PRTG: variants seen among roughly 807,000 people sequenced by gnomAD.
PRTG encodes the protein protogenin.
Under a neutral mutation model 122.5 loss-of-function variants are expected in PRTG, and 67 were observed. The ratio of observed to expected loss-of-function variants is 0.55; its 90% CI spans 0.45 to 0.67. PRTG has a LOEUF of 0.67. Ranked by LOEUF, PRTG falls within the 30% of genes least tolerant of loss-of-function variation. The pLI is 0.00. For missense variants in PRTG, 1,435 were observed against 1,415.4 expected, an observed-to-expected ratio of 1.01 and a Z score of -0.22; for synonymous variants, 554 against 501.1, an observed-to-expected ratio of 1.11 and a Z score of -1.41.
intron 17 of PRTG, among the ~76,000 whole-genome samples, 153 bp downstream of exon 17, chr15:55,626,855 T>C (rs1357470574): frequency 1.3e-5 from 2 of 152,222 alleles, no homozygotes; most frequent in Non-Finnish European, 2.9e-5. Flanking sequence ...AGCACATTTC[T>C]ATAGCTGTAA....
At chr15:55,731,366 CTTTTTTTTT>C (rs10658460) in intron 2 of PRTG, among the ~76,000 whole-genome samples, 1 of 103,778 alleles carries the variant, frequency 9.6e-6, no homozygotes, top group African/African-American at 3.9e-5. Context: ...CCTTATCATT[CTTTTTTTTT>C]TTTTTTTTTT....
At chr15:55,732,114 A>C (rs1270348013) in intron 2 of PRTG, among the ~76,000 whole-genome samples, 1 of 152,254 alleles carries the variant, frequency 6.6e-6, no homozygotes, top group Non-Finnish European at 1.5e-5. Flanking sequence ...TTATCATCTT[A>C]TAGAACAGAA....
chr15:55,659,476 C>G (rs1283653116), intron 11 of PRTG, among the ~76,000 whole-genome samples: 1 of 152,100 alleles, frequency 6.6e-6, no homozygotes, highest in Non-Finnish European at 1.5e-5. Flanking sequence ...CTACCCAGAC[C>G]CCCACCCTCA....
chr15:55,656,737 T>C (rs2059382337), intron 11 of PRTG, among the ~76,000 whole-genome samples: 1 of 152,262 alleles, frequency 6.6e-6, no homozygotes, highest in African/African-American at 2.4e-5. Context: ...CTCGATCTCC[T>C]GACCTCATGA....
intron 2 of PRTG, chr15:55,702,968 A>G (rs1372334301): frequency 2.1e-5 from 20 of 973,396 alleles, no homozygotes; most frequent in Non-Finnish European, 2.3e-5. Context: ...TTCTAAACCT[A>G]TCTTGGGAAT....
chr15:55,679,624 C>T (rs2059525847), intron 6 of PRTG, 179 bp from the exon 7 acceptor site: 1 of 525,616 alleles, frequency 1.9e-6, no homozygotes, highest in Non-Finnish European at 3.3e-6. Context: ...GCTCAGTGTT[C>T]ACTTCCTCCA....
At chr15:55,629,181 TTGTAG>T (rs1198507128) in intron 15 of PRTG, among the ~76,000 whole-genome samples, 177 bp from the exon 16 acceptor site, 2 of 152,094 alleles carry the variant, frequency 1.3e-5, no homozygotes, top group Admixed American at 6.6e-5. Context: ...ATTGTTAACA[TTGTAG>T]TGTATTTTGT....
At position 55,734,938 on chromosome 15, in the gene PRTG, T is replaced by C. The variant is rs73410231; in HGVS notation, c.397+5444A>G. Among the ~76,000 whole-genome samples, 749 of 152,342 alleles carry C rather than the reference T, an allele frequency of 4.9e-3. 10 individuals are homozygous for C. The highest frequency in any genetic ancestry group is 0.017 in the African/African-American group (722 of 41,584). On this transcript the variant is annotated intron_variant, in intron 2 of 19. Coordinates refer to ENST00000389286, the MANE Select transcript of PRTG (RefSeq NM_173814.6). ...CTTTTTTGTACACTGCAATTATCAA[T>C]TGTTTACTGTGAGCTTGCTCTGCTC...
At position 55,677,978 on chromosome 15, in the gene PRTG, G is replaced by T; in HGVS notation, c.1200C>A (p.Ser400Arg). 4.3e-6 allele frequency: 7 copies of T among 1,609,920 alleles called. No homozygotes were observed. Among genetic ancestry groups the T allele is most frequent in the Non-Finnish European group, 5.9e-6 (7 of 1,176,610 alleles). The change falls in exon 8 of 20, where the codon AGC becomes AGA. Residue 400 changes from serine (S) to arginine (R), a missense_variant. Coordinates refer to ENST00000389286, the MANE Select transcript of PRTG (RefSeq NM_173814.6). Reference sequence around the variant, plus strand: ...TGGCTCTAGATAAAATAGATCCTTGGCTATTCTCAGCCATGCACTGATAAA... The same window carrying T: ...TGGCTCTAGATAAAATAGATCCTTGTCTATTCTCAGCCATGCACTGATAAA... Reference protein sequence around the residue: ...DAIYQCMAENSQGSILSRARL... With the variant: ...DAIYQCMAENRQGSILSRARL...
At chr15:55,625,344 TC>T (rs1319631135) in intron 17 of PRTG, among the ~76,000 whole-genome samples, 1 of 152,192 alleles carries the variant, frequency 6.6e-6, no homozygotes, top group African/African-American at 2.4e-5. Context: ...CCACCATATG[TC>T]CCGTGGTGTT....
intron 15 of PRTG, among the ~76,000 whole-genome samples, chr15:55,629,369 A>ATGTGTGTGTG (rs1413549067): frequency 1.7e-4 from 6 of 34,390 alleles, no homozygotes; most frequent in African/African-American, 6.0e-4. Flanking sequence ...GTATATATAT[A>ATGTGTGTGTG]TATATATGTG....
intron 11 of PRTG, among the ~76,000 whole-genome samples, chr15:55,656,905 C>T (rs1452846729): frequency 6.6e-6 from 1 of 152,178 alleles, no homozygotes; most frequent in Admixed American, 6.5e-5. Context: ...TTGTTTGACA[C>T]TGAGGACAAT....
chr15:55,736,427 T>C (rs1376717897), intron 2 of PRTG, among the ~76,000 whole-genome samples: 3 of 152,092 alleles, frequency 2.0e-5, no homozygotes, highest in African/African-American at 7.2e-5. Flanking sequence ...AATATATTTT[T>C]AACTTCACAT....
chr15:55,627,562 G>A (rs886620890), intron 16 of PRTG, among the ~76,000 whole-genome samples: 12 of 146,062 alleles, frequency 8.2e-5, no homozygotes, highest in Non-Finnish European at 1.3e-4. Context: ...GGATGGTCTC[G>A]ATCTCCTGAC....
rs1242770616 is a variant in PRTG at position 55,613,421 on chromosome 15, G to A, written c.*6591C>T. 1 of 152,026 alleles carries A rather than the reference G, an allele frequency of 6.6e-6. No individual in the cohort carries two copies. Among genetic ancestry groups the A allele is most frequent in the East Asian group, 1.9e-4 (1 of 5,196 alleles). The allele number at this position is 152,026 out of a possible 1,614,324, so 9.4% of individuals were successfully genotyped here. On this transcript the variant is annotated 3_prime_UTR_variant, in exon 20 of 20. Transcript: ENST00000389286. ...AAAATGCAATTCTGAAGACATTGTCGAATAAGGAAATGCTTGACTAGAAAA... is the reference window on the plus strand; with the variant it reads ...AAAATGCAATTCTGAAGACATTGTCAAATAAGGAAATGCTTGACTAGAAAA...
intron 2 of PRTG, among the ~76,000 whole-genome samples, chr15:55,739,698 T>G (rs2031549350): frequency 6.6e-6 from 1 of 152,208 alleles, no homozygotes; most frequent in African/African-American, 2.4e-5. Flanking sequence ...ATGGATCACT[T>G]GGACAAATGG....
At chr15:55,681,666 T>C (rs990224893) in intron 4 of PRTG, among the ~76,000 whole-genome samples, 13 of 152,208 alleles carry the variant, frequency 8.5e-5, no homozygotes, top group African/African-American at 2.9e-4. Flanking sequence ...TTCATAAACA[T>C]TGCTTTTTAT....
intron 11 of PRTG, among the ~76,000 whole-genome samples, chr15:55,641,789 G>T (rs1020072979): frequency 1.3e-5 from 2 of 152,138 alleles, no homozygotes; most frequent in Non-Finnish European, 2.9e-5. Flanking sequence ...CAAGAAAGAT[G>T]AGTTGGAGCT....
chr15:55,694,917 C>G (rs906985554), intron 2 of PRTG, among the ~76,000 whole-genome samples: 1 of 152,102 alleles, frequency 6.6e-6, no homozygotes, highest in East Asian at 1.9e-4. Flanking sequence ...TCAGTGTTAA[C>G]GTAAACCAAG....
Sources: gnomAD v4.1 joint callset for allele counts (sites outside exome capture counted in the v4.1 genomes callset) on GRCh38, gnomAD v4.1.1 for gene constraint, MANE v1.5 for transcripts, NCBI Gene and HGNC (gene_info 2026-07-23, HGNC 2026-07-21) for gene names.